C9orf72: variants seen among roughly 807,000 people sequenced by gnomAD.
C9orf72 encodes the protein guanine nucleotide exchange factor C9orf72.
In C9orf72, 44 loss-of-function variants were observed where a neutral mutation model predicts 51.6. The ratio of observed to expected loss-of-function variants is 0.85; its 90% CI spans 0.67 to 1.10. The LOEUF is 1.10. C9orf72 is among the 50% of genes least tolerant of loss of function. The pLI is 0.00. For synonymous variants in C9orf72, 213 were observed against 194.2 expected (o/e 1.10, Z -0.81); for missense variants, 607 against 570.6 (o/e 1.06, Z -0.65).
At chr9:27,548,451 A>G (rs1240973977) in intron 10 of C9orf72, 29 bp from the exon 11 acceptor site, 1 of 1,419,238 alleles carries the variant, frequency 7.0e-7, no homozygotes, top group East Asian at 2.5e-5. Flanking sequence ...AAAAAAAAAA[A>G]AAAAAAAAAA....
At chr9:27,563,246 A>G (rs112630653) in intron 3 of C9orf72, among the ~76,000 whole-genome samples, 1 of 145,400 alleles carries the variant, frequency 6.9e-6, no homozygotes, top group Non-Finnish European at 1.5e-5. Context: ...CTTTAGAGCT[A>G]TTTCAAGATA....
intron 8 of C9orf72, among the ~76,000 whole-genome samples, chr9:27,552,599 G>A (rs1371978176): frequency 1.4e-5 from 2 of 139,894 alleles, no homozygotes; most frequent in East Asian, 4.3e-4. Context: ...TAAGAGATAT[G>A]CCCGCCTTGG....
At chr9:27,554,709 T>C (rs1820974519) in intron 8 of C9orf72, 1 of 397,674 alleles carries the variant, frequency 2.5e-6, no homozygotes, top group South Asian at 1.3e-4. Context: ...AAAGTTAAAA[T>C]TAAAAATAAC....
chr9:27,558,815 A>T (rs1285132447), intron 6 of C9orf72: 1 of 454,482 alleles, frequency 2.2e-6, no homozygotes, highest in Non-Finnish European at 3.9e-6. Flanking sequence ...AATGCTTGGT[A>T]AATTTACTGT....
intron 9 of C9orf72, among the ~76,000 whole-genome samples, chr9:27,550,436 T>C (rs563446661): frequency 6.6e-6 from 1 of 152,134 alleles, no homozygotes; most frequent in Non-Finnish European, 1.5e-5. Context: ...AGCATAAATC[T>C]AGGACAAGAG....
chr9:27,573,097 T>C (rs969445482), intron 1 of C9orf72, among the ~76,000 whole-genome samples: 1 of 152,078 alleles, frequency 6.6e-6, no homozygotes, highest in African/African-American at 2.4e-5. Context: ...CGAGGCTCCC[T>C]TTTCTCGAGC....
At chr9:27,553,391 C>T (rs1026893213) in intron 8 of C9orf72, among the ~76,000 whole-genome samples, 9 of 151,944 alleles carry the variant, frequency 5.9e-5, no homozygotes, top group Non-Finnish European at 1.0e-4. Context: ...GAATAGAGAG[C>T]CAAGAAATAA....
chr9:27,553,793 C>G (rs1022482079), intron 8 of C9orf72, among the ~76,000 whole-genome samples: 2 of 152,036 alleles, frequency 1.3e-5, no homozygotes, highest in African/African-American at 4.8e-5. Context: ...ATCTGCAAAC[C>G]ATGTATCCAA....
At chr9:27,565,761 C>G (rs1398156752) in intron 2 of C9orf72, among the ~76,000 whole-genome samples, 171 bp from the exon 3 acceptor site, 2 of 152,038 alleles carry the variant, frequency 1.3e-5, no homozygotes. Context: ...TGCATGTTCT[C>G]ATAAACAATA....
Position 27,550,682 on chromosome 9 carries a change from T to C in C9orf72, c.1117A>G (p.Arg373Gly), listed in dbSNP as rs1454052588. Reference protein sequence around the residue: ...DLNIFQDVLHRDTLVKAFLDQ... With the variant: ...DLNIFQDVLHGDTLVKAFLDQ... Reference sequence around the variant, plus strand: ...AGGAAGGCTTTCACTAGAGTGTCTCTGTGTAAGACATCTTGAAAAATATTC... The same window carrying C: ...AGGAAGGCTTTCACTAGAGTGTCTCCGTGTAAGACATCTTGAAAAATATTC... Residue 373 changes from arginine to glycine, a missense_variant, in exon 9 of 11, where the codon AGA (arginine) becomes GGA (glycine). Arg to Gly is a moderately radical substitution (Grantham distance 125). Transcript: ENST00000380003. The C allele has an allele frequency of 1.3e-6, 2 of 1,587,466 alleles. No homozygotes were observed. The highest frequency in any genetic ancestry group is 1.7e-6 in the Non-Finnish European group (2 of 1,163,860).
chr9:27,567,160 G>T lies in C9orf72; in HGVS notation c.-40C>A. 6.5e-7 allele frequency: 1 copy of T among 1,529,296 alleles called. No homozygotes were observed. The highest frequency in any genetic ancestry group is 9.0e-7 in the Non-Finnish European group (1 of 1,112,334). The allele number at this position is 1,529,296 out of a possible 1,614,324, so 94.7% of individuals were successfully genotyped here. On this transcript the variant is annotated 5_prime_UTR_variant, in exon 2 of 11. Transcript: ENST00000380003. ...TGTCACATTATCCAAATGCTCCGGA[G>T]ATATCTAAACAATGACATATGAAAC...
At chr9:27,559,318 A>C (rs1262457031) in intron 6 of C9orf72, 1 of 151,888 alleles carries the variant, frequency 6.6e-6, no homozygotes, top group African/African-American at 2.4e-5. Flanking sequence ...TCCCTTCATA[A>C]AGCAGCTCGG....
chr9:27,572,020 A>G (rs1819596876), intron 1 of C9orf72, among the ~76,000 whole-genome samples: 1 of 152,232 alleles, frequency 6.6e-6, no homozygotes, highest in Admixed American at 6.5e-5. Context: ...CCTGGGAACT[A>G]TCTAATTAAC....
Position 27,548,157 on chromosome 9 carries a change from G to T in C9orf72, c.*79C>A. 5 of 1,087,498 alleles carry T rather than the reference G, an allele frequency of 4.6e-6. No homozygotes were observed. The highest frequency in any genetic ancestry group is 6.6e-6 in the Non-Finnish European group (5 of 755,558). 67.4% of individuals were successfully genotyped at this position (1,087,498 alleles called of 1,614,324 possible). A position where few individuals can be genotyped will look rare whatever the true frequency, so the allele number is the denominator to read the frequency against. On this transcript the variant is annotated 3_prime_UTR_variant, in exon 11 of 11. Coordinates refer to ENST00000380003, the MANE Select transcript of C9orf72 (RefSeq NM_018325.5). The stretch of plus-strand genomic sequence containing the variant: ...GAGCAGAATTCTGGAGTATGATCCA[G>T]GGGAACGTTTCCCCACACCACTGAG...
At chr9:27,555,390 T>C (rs771041963) in intron 8 of C9orf72, among the ~76,000 whole-genome samples, 21 of 152,156 alleles carry the variant, frequency 1.4e-4, no homozygotes, top group Non-Finnish European at 2.8e-4. Flanking sequence ...ACACTTACTG[T>C]GTAATTACTG....
rs1819213548 is a variant in C9orf72 at position 27,556,872 on chromosome 9, G to C, written c.856-76C>G. The C allele has an allele frequency of 6.8e-6, 7 of 1,024,956 alleles. No homozygotes were observed. In the East Asian group the frequency reaches 1.7e-4, roughly 25 times the overall value. 63.5% of individuals were successfully genotyped at this position (1,024,956 alleles called of 1,614,324 possible). On this transcript the variant is annotated intron_variant, in intron 7 of 10. Transcript: ENST00000380003. ...TAATTGTTTTTTAATTTTAAAAAATGGTCTCTGATTTAGCAAATCCATCTC... is the reference window on the plus strand; with the variant it reads ...TAATTGTTTTTTAATTTTAAAAAATCGTCTCTGATTTAGCAAATCCATCTC...
At chr9:27,554,716 TAAC>T (rs369279316) in intron 8 of C9orf72, 2 of 397,424 alleles carry the variant, frequency 5.0e-6, no homozygotes, top group African/African-American at 4.1e-5. Flanking sequence ...AAATTAAAAA[TAAC>T]AAACATAATT....
intron 1 of C9orf72, among the ~76,000 whole-genome samples, 184 bp downstream of exon 1, chr9:27,573,247 C>T (rs1403251746): frequency 6.6e-6 from 1 of 151,664 alleles, no homozygotes; most frequent in Non-Finnish European, 1.5e-5. Flanking sequence ...AAGCCCGGGG[C>T]CCGGATGCAG....
At chr9:27,550,579 CATTGTAGGAT>C in intron 9 of C9orf72, 61 bp downstream of exon 9, 1 of 899,446 alleles carries the variant, frequency 1.1e-6, no homozygotes, top group Admixed American at 2.2e-5. Flanking sequence ...ATAGAACAGG[CATTGTAGGAT>C]ATATTAAAAA....
Sources: allele counts gnomAD v4.1 joint callset (sites outside exome capture counted in the v4.1 genomes callset), GRCh38; gene constraint gnomAD v4.1.1; transcripts MANE v1.5; gene names NCBI Gene and HGNC (gene_info 2026-07-23, HGNC 2026-07-21).